Variants in RPAP3 observed in about 807,000 individuals in gnomAD.
RPAP3 encodes RNA polymerase II associated protein 3, also known as RNA polymerase II-associated protein 3.
Under a neutral mutation model 88.8 loss-of-function variants are expected in RPAP3, and 58 were observed. The observed-to-expected ratio is 0.65, with a 90% CI of 0.53 to 0.81. The LOEUF (loss-of-function observed/expected upper bound fraction) is 0.81. Among genes scored for constraint, RPAP3 ranks in the 40% least tolerant of loss-of-function variants. The pLI is 0.00. For synonymous variants in RPAP3, 255 were observed against 259.9 expected (o/e 0.98, Z 0.18); for missense variants, 751 against 764.3 (o/e 0.98, Z 0.20).
chr12:47,667,282 C>T (rs562700276), intron 15 of RPAP3, among the ~76,000 whole-genome samples: 1 of 152,156 alleles, frequency 6.6e-6, no homozygotes, highest in African/African-American at 2.4e-5. Context: ...GAGCTTAGTA[C>T]GGAAACTATT....
chr12:47,670,361 T>G lies in RPAP3; in HGVS notation c.1288-16A>C, dbSNP rs371909172. On this transcript the variant is annotated splice_polypyrimidine_tract_variant and intron_variant, in intron 12 of 16. Coordinates refer to ENST00000005386, the MANE Select transcript of RPAP3 (RefSeq NM_024604.3). ...TGAGTGGTTTCTAAAACAATTAAAA[T>G]CAATTCCTTAAATCAAAATATTAAA... The G allele has an allele frequency of 4.9e-6, 7 of 1,420,462 alleles. No individual in the cohort carries two copies. The highest frequency in any genetic ancestry group is 6.9e-6 in the Non-Finnish European group (7 of 1,019,140). 88.0% of individuals were successfully genotyped at this position (1,420,462 alleles called of 1,614,324 possible). A position where few individuals can be genotyped will look rare whatever the true frequency, so the allele number is the denominator to read the frequency against.
At chr12:47,702,199 T>C (rs1238794483) in intron 2 of RPAP3, among the ~76,000 whole-genome samples, 9 of 152,230 alleles carry the variant, frequency 5.9e-5, no homozygotes, top group Admixed American at 5.9e-4. Context: ...CCTTAAAATA[T>C]GGTAATATAT....
At chr12:47,705,232 C>T (rs1250434437) in intron 1 of RPAP3, among the ~76,000 whole-genome samples, 3 of 152,112 alleles carry the variant, frequency 2.0e-5, no homozygotes, top group Non-Finnish European at 4.4e-5. Context: ...ATTAGAAAAA[C>T]ATTTGTTTAG....
intron 5 of RPAP3, among the ~76,000 whole-genome samples, chr12:47,694,295 T>G (rs1196965664): frequency 6.6e-6 from 1 of 152,032 alleles, no homozygotes; most frequent in Non-Finnish European, 1.5e-5. Flanking sequence ...CATATGACAA[T>G]AGTAGCACGG....
chr12:47,682,842 T>C (rs1016558303), intron 9 of RPAP3, among the ~76,000 whole-genome samples: 1 of 152,176 alleles, frequency 6.6e-6, no homozygotes, highest in Non-Finnish European at 1.5e-5. Context: ...ATAAAGAATA[T>C]ATCTGTGTTC....
rs1054007193 is a variant in RPAP3, at chr12:47,662,712, G to T, written c.*793C>A. 1 of 152,188 alleles carries T rather than the reference G, an allele frequency of 6.6e-6. No individual in the cohort carries two copies. Among genetic ancestry groups the T allele is most frequent in the Non-Finnish European group, 1.5e-5 (1 of 68,028 alleles). 9.4% of individuals were successfully genotyped at this position (152,188 alleles called of 1,614,324 possible). A position where few individuals can be genotyped will look rare whatever the true frequency, so the allele number is the denominator to read the frequency against. On this transcript the variant is annotated 3_prime_UTR_variant, in exon 17 of 17. Coordinates refer to ENST00000005386, the MANE Select transcript of RPAP3 (RefSeq NM_024604.3). ...GTTGAGCACCTAACTATGTGCAAAC[G>T]TCTGTGCTAGGTACTATGCAGAGTA...
chr12:47,666,031 T>C (rs1183054771), intron 16 of RPAP3, among the ~76,000 whole-genome samples: 1 of 152,008 alleles, frequency 6.6e-6, no homozygotes, highest in Non-Finnish European at 1.5e-5. Flanking sequence ...GCTAAAAAGA[T>C]AAAGAAGAAA....
At chr12:47,671,978 T>C (rs1437821938) in intron 12 of RPAP3, among the ~76,000 whole-genome samples, 1 of 151,348 alleles carries the variant, frequency 6.6e-6, no homozygotes, top group East Asian at 1.9e-4. Context: ...TTTAGTTGTA[T>C]ATTGTGACCA....
At chr12:47,690,209 C>T (rs569213249) in intron 6 of RPAP3, among the ~76,000 whole-genome samples, 1 of 152,116 alleles carries the variant, frequency 6.6e-6, no homozygotes, top group African/African-American at 2.4e-5. Context: ...AAACACACTA[C>T]CTCTTGCCTC....
chr12:47,681,375 A>C (rs984605385), intron 10 of RPAP3, among the ~76,000 whole-genome samples: 3 of 152,170 alleles, frequency 2.0e-5, no homozygotes, highest in African/African-American at 7.2e-5. Flanking sequence ...TCGCTCAACA[A>C]CACCGATTCC....
intron 12 of RPAP3, among the ~76,000 whole-genome samples, chr12:47,675,888 A>G (rs1266959542): frequency 6.6e-6 from 1 of 152,224 alleles, no homozygotes; most frequent in Non-Finnish European, 1.5e-5. Context: ...CTCTGCAACA[A>G]GCAGACCTAA....
At chr12:47,674,682 A>G (rs1939072334) in intron 12 of RPAP3, among the ~76,000 whole-genome samples, 1 of 150,932 alleles carries the variant, frequency 6.6e-6, no homozygotes, top group East Asian at 1.9e-4. Flanking sequence ...ATAAAGCGAC[A>G]AGACAAGGTT....
chr12:47,681,902 C>G (rs1592476290), intron 9 of RPAP3, 85 bp from the exon 10 acceptor site: 1 of 1,307,742 alleles, frequency 7.6e-7, no homozygotes, highest in African/African-American at 1.5e-5. Flanking sequence ...ATTTAAAAAG[C>G]TTGTATATAA....
chr12:47,699,052 C>T (rs910922984), intron 3 of RPAP3, among the ~76,000 whole-genome samples: 5 of 152,276 alleles, frequency 3.3e-5, no homozygotes, highest in African/African-American at 1.2e-4. Flanking sequence ...ATTATCCAAC[C>T]CTGCTATGCT....
At chr12:47,688,130 T>C in intron 7 of RPAP3, 129 bp from the exon 8 acceptor site, 1 of 814,710 alleles carries the variant, frequency 1.2e-6, no homozygotes, top group Non-Finnish European at 1.7e-6. Flanking sequence ...AAATAACATT[T>C]TCTGCTCTAA....
chr12:47,703,768 G>A (rs929178291), intron 1 of RPAP3, among the ~76,000 whole-genome samples: 2 of 152,078 alleles, frequency 1.3e-5, no homozygotes, highest in African/African-American at 4.8e-5. Context: ...GAAATGGCAG[G>A]CCATGAGGTC....
chr12:47,702,777 G>T lies in RPAP3; in HGVS notation c.64C>A (p.Gln22Lys). 6.2e-7 allele frequency: 1 copy of T among 1,612,186 alleles called. No individual in the cohort carries two copies. Residue 22 changes from glutamine (Q) to lysine (K), a missense_variant, in exon 2 of 17, where the codon CAA becomes AAA. Transcript: ENST00000005386. ...TTTTCTAAATCCCGCATAAAGTCTT[G>T]TAATTCTTCTGCATTTTGTTTCACT... ...LQVKQNAEEL[Q>K]DFMRDLENWE...
In RPAP3 at chr12:47,664,645, T is replaced by A. The variant is rs560373765; in HGVS notation, c.1913-1055A>T. Reference sequence around the variant, plus strand: ...TTTCCATGTTTAACTTAGCAGACAGTGGAAACCCCATCAAGACAGTACTAT... The same window carrying A: ...TTTCCATGTTTAACTTAGCAGACAGAGGAAACCCCATCAAGACAGTACTAT... On this transcript the variant is annotated intron_variant, in intron 16 of 16. Transcript: ENST00000005386. 6 of 152,300 alleles carry A rather than the reference T, an allele frequency of 3.9e-5. No individual in the cohort carries two copies. In the South Asian group the frequency reaches 1.2e-3, roughly 32 times the overall value. The allele number at this position is 152,300 out of a possible 1,614,324, so 9.4% of individuals were successfully genotyped here.
At chr12:47,700,367 T>C (rs961063381) in intron 3 of RPAP3, among the ~76,000 whole-genome samples, 1 of 152,142 alleles carries the variant, frequency 6.6e-6, no homozygotes, top group African/African-American at 2.4e-5. Flanking sequence ...ATTGGAAAAA[T>C]TCTCTTTAAG....
Sources: gnomAD v4.1 joint callset for allele counts (sites outside exome capture counted in the v4.1 genomes callset) on GRCh38, gnomAD v4.1.1 for gene constraint, MANE v1.5 for transcripts, NCBI Gene and HGNC (gene_info 2026-07-23, HGNC 2026-07-21) for gene names.